Variants in MCTP2 observed in about 807,000 individuals in gnomAD.
MCTP2 encodes multiple C2 and transmembrane domain containing 2.
MCTP2 carries 132 observed loss-of-function variants against 111.6 expected under a neutral mutation model. The observed-to-expected ratio is 1.18, with a 90% CI of 1.03 to 1.37. MCTP2 has a LOEUF of 1.37. Among genes scored for constraint, MCTP2 ranks in the 40% most tolerant of loss-of-function variants. The pLI is 0.00. For synonymous variants in MCTP2, 395 were observed against 387.7 expected (o/e 1.02, Z -0.22); for missense variants, 1,183 against 1,067.9 (o/e 1.11, Z -1.50).
At chr15:94,384,260 T>C in intron 13 of MCTP2, 136 bp downstream of exon 13, 1 of 566,912 alleles carries the variant, frequency 1.8e-6, no homozygotes, top group Non-Finnish European at 2.9e-6. Context: ...CCTTGTATCC[T>C]TTCATTTTTA....
intron 10 of MCTP2, among the ~76,000 whole-genome samples, chr15:94,362,081 T>G (rs1425837439): frequency 6.6e-6 from 1 of 152,126 alleles, no homozygotes; most frequent in East Asian, 1.9e-4. Flanking sequence ...ATGAAGGTGC[T>G]TGGGTAAGAT....
chr15:94,320,229 ACCT>A (rs1466621483), intron 4 of MCTP2, among the ~76,000 whole-genome samples: 2 of 142,494 alleles, frequency 1.4e-5, no homozygotes, highest in African/African-American at 5.3e-5. Context: ...TGCAAGCTCC[ACCT>A]CCTGGGTTCA....
Position 94,262,621 on chromosome 15 carries a change from T to A in MCTP2, c.-66+30957T>A, listed in dbSNP as rs938680731. 2.0e-5 allele frequency among the ~76,000 whole-genome samples: 3 copies of A among 151,950 alleles called. No individual in the cohort carries two copies. The South Asian group carries it at 6.2e-4, about 31-fold the overall frequency. Reference sequence around the variant, plus strand: ...AATGGTGAAATAAATATATAGGGAGTTGGGCATATAACTCTCTATGGAAAA... The same window carrying A: ...AATGGTGAAATAAATATATAGGGAGATGGGCATATAACTCTCTATGGAAAA... On this transcript the variant is annotated intron_variant, in intron 1 of 22. Coordinates refer to ENST00000357742, the MANE Select transcript of MCTP2 (RefSeq NM_001385001.1).
chr15:94,432,134 T>A (rs925348709), intron 17 of MCTP2, among the ~76,000 whole-genome samples: 6 of 152,160 alleles, frequency 3.9e-5, no homozygotes, highest in Non-Finnish European at 5.9e-5. Flanking sequence ...TCCTGAGATG[T>A]TGTTCTTGTT....
intron 7 of MCTP2, chr15:94,342,512 T>C (rs530572538): frequency 3.9e-5 from 6 of 152,192 alleles, no homozygotes; most frequent in African/African-American, 1.4e-4. Flanking sequence ...TTATTTTCTT[T>C]TGTCTTTGTC....
intron 21 of MCTP2, among the ~76,000 whole-genome samples, chr15:94,475,344 G>T (rs1254230945): frequency 6.6e-6 from 1 of 152,150 alleles, no homozygotes; most frequent in Non-Finnish European, 1.5e-5. Context: ...GGGCACAATG[G>T]CTGGCTCCCA....
intron 12 of MCTP2, among the ~76,000 whole-genome samples, chr15:94,371,532 G>A (rs1015340593): frequency 2.0e-5 from 3 of 152,112 alleles, no homozygotes; most frequent in Admixed American, 2.0e-4. Context: ...CTCAGGAAAT[G>A]TCTCCAGCCC....
chr15:94,336,309 C>T (rs1256992709), intron 4 of MCTP2, among the ~76,000 whole-genome samples: 1 of 152,176 alleles, frequency 6.6e-6, no homozygotes, highest in Non-Finnish European at 1.5e-5. Flanking sequence ...GGCACTCCAG[C>T]TGGAACTAAT....
At chr15:94,449,383 A>T (rs1363122833) in intron 19 of MCTP2, among the ~76,000 whole-genome samples, 2 of 152,192 alleles carry the variant, frequency 1.3e-5, no homozygotes, top group African/African-American at 2.4e-5. Flanking sequence ...AACATATATG[A>T]GATTTCTCAG....
chr15:94,257,128 C>T (rs538156337), intron 1 of MCTP2, among the ~76,000 whole-genome samples: 1 of 152,260 alleles, frequency 6.6e-6, no homozygotes, highest in Admixed American at 6.5e-5. Flanking sequence ...CATGTTCTGG[C>T]TTTGGGGCTT....
intron 1 of MCTP2, among the ~76,000 whole-genome samples, chr15:94,279,176 A>T (rs1316480651): frequency 1.3e-5 from 2 of 152,150 alleles, no homozygotes; most frequent in Non-Finnish European, 2.9e-5. Context: ...AGTTAATAGG[A>T]ATAGCATTGA....
intron 20 of MCTP2, among the ~76,000 whole-genome samples, chr15:94,464,261 A>AATATATATATAATATATATATAAT (rs2085432143): frequency 2.3e-5 from 1 of 43,338 alleles, no homozygotes; most frequent in Non-Finnish European, 5.2e-5. Context: ...TATATATTAT[A>AATATATATATAATATATATATAAT]TATATATATA....
chr15:94,391,172 A>G (rs1351322044), intron 14 of MCTP2, among the ~76,000 whole-genome samples: 4 of 152,096 alleles, frequency 2.6e-5, no homozygotes, highest in African/African-American at 9.7e-5. Context: ...TACACCCGAT[A>G]GCTGGCTGCA....
In MCTP2 at chr15:94,322,937, C is replaced by T. The variant is rs139082631; in HGVS notation, c.637+7300C>T. 1.7e-4 allele frequency among the ~76,000 whole-genome samples: 26 copies of T among 152,252 alleles called. No individual in the cohort carries two copies. The East Asian group carries it at 3.5e-3, about 20-fold the overall frequency. On this transcript the variant is annotated intron_variant, in intron 4 of 22. Coordinates refer to ENST00000357742, the MANE Select transcript of MCTP2 (RefSeq NM_001385001.1). ...AGGAAGTTTTTGGTGACTTTGCCCA[C>T]GAGGAAACACATGCAGAAAAGGTCT...
rs1413723870 is a variant in MCTP2, at chr15:94,257,610, G to A, written c.-66+25946G>A. Reference sequence around the variant, plus strand: ...TTTTTTTTTTTTTTTTTTTTGAGACGGAGTCTTGCTCTGTCACCCAGGCTG... The same window carrying A: ...TTTTTTTTTTTTTTTTTTTTGAGACAGAGTCTTGCTCTGTCACCCAGGCTG... On this transcript the variant is annotated intron_variant, in intron 1 of 22. Transcript: ENST00000357742. Among the ~76,000 whole-genome samples the A allele has an allele frequency of 2.8e-4, 10 of 35,892 alleles. No homozygotes were observed. In the South Asian group the frequency reaches 5.9e-3, roughly 21 times the overall value. The allele number at this position is 35,892 out of a possible 152,430, so 23.5% of individuals were successfully genotyped here.
chr15:94,285,603 G>T (rs1339123820), intron 1 of MCTP2, among the ~76,000 whole-genome samples: 5 of 152,076 alleles, frequency 3.3e-5, no homozygotes, highest in African/African-American at 1.2e-4. Flanking sequence ...GGTCATTTCA[G>T]GGCAAGATAG....
intron 12 of MCTP2, 57 bp downstream of exon 12, chr15:94,370,237 TCTC>T: frequency 4.9e-6 from 7 of 1,416,118 alleles, no homozygotes; most frequent in Non-Finnish European, 6.9e-6. Flanking sequence ...TTTGAAACAA[TCTC>T]CTGGCAAAGC....
intron 17 of MCTP2, among the ~76,000 whole-genome samples, chr15:94,424,525 A>T (rs944417781): frequency 2.0e-5 from 3 of 152,134 alleles, no homozygotes; most frequent in Admixed American, 2.0e-4. Context: ...ATCTTGTTTA[A>T]ATAACGCCTC....
intron 17 of MCTP2, among the ~76,000 whole-genome samples, chr15:94,426,860 C>A (rs758195899): frequency 6.6e-6 from 1 of 152,150 alleles, no homozygotes. Flanking sequence ...GGATTCCAGG[C>A]ATCTTAAGGA....
Sources: gnomAD v4.1 joint callset for allele counts (sites outside exome capture counted in the v4.1 genomes callset) on GRCh38, gnomAD v4.1.1 for gene constraint, MANE v1.5 for transcripts, NCBI Gene and HGNC (gene_info 2026-07-23, HGNC 2026-07-21) for gene names.